Variants in HMOX2 observed in about 807,000 individuals in gnomAD.
HMOX2 encodes heme oxygenase 2, also known as heme oxygenase (decycling) 2.
HMOX2 carries 30 observed loss-of-function variants against 33.7 expected under a neutral mutation model. That is an observed-to-expected ratio of 0.89 (90% CI 0.67 to 1.21). The LOEUF (loss-of-function observed/expected upper bound fraction) is 1.21, where lower values mean the gene tolerates loss of function less well. HMOX2 is among the 50% of genes most tolerant of loss of function. The pLI is 0.00. For missense variants in HMOX2, 403 were observed against 399.1 expected, an observed-to-expected ratio of 1.01 and a Z score of -0.08; for synonymous variants, 155 against 155.0, an observed-to-expected ratio of 1.00 and a Z score of 0.00.
At chr16:4,499,306 C>T (rs945257781) in intron 1 of HMOX2, among the ~76,000 whole-genome samples, 4 of 152,138 alleles carry the variant, frequency 2.6e-5, no homozygotes, top group Non-Finnish European at 4.4e-5. Flanking sequence ...TATTTATGCA[C>T]GATGGAATAC....
At chr16:4,487,259 A>G (rs79211480) in intron 1 of HMOX2, among the ~76,000 whole-genome samples, 1 of 147,052 alleles carries the variant, frequency 6.8e-6, no homozygotes, top group South Asian at 2.1e-4. Context: ...CCCTGTCTCA[A>G]AAAAAAAAAA....
At chr16:4,478,020 T>C (rs2057916830) in intron 1 of HMOX2, among the ~76,000 whole-genome samples, 1 of 152,200 alleles carries the variant, frequency 6.6e-6, no homozygotes, top group Non-Finnish European at 1.5e-5. Flanking sequence ...TAGAAAAAGT[T>C]ATCAGATAAA....
intron 1 of HMOX2, among the ~76,000 whole-genome samples, chr16:4,492,711 C>A (rs1029874250): frequency 6.6e-6 from 1 of 151,842 alleles, no homozygotes; most frequent in South Asian, 2.1e-4. Flanking sequence ...GAGTGAGACT[C>A]TGTCTCAAAA....
intron 1 of HMOX2, among the ~76,000 whole-genome samples, chr16:4,494,673 G>GT (rs17881736): frequency 0.034 from 5,191 of 152,206 alleles, 305 homozygotes; most frequent in African/African-American, 0.12. Flanking sequence ...GAGTCCAGGA[G>GT]TTTGAGACCA....
At chr16:4,500,149 G>C (rs2058522567) in intron 1 of HMOX2, among the ~76,000 whole-genome samples, 1 of 152,206 alleles carries the variant, frequency 6.6e-6, no homozygotes, top group Non-Finnish European at 1.5e-5. Context: ...ATGACAGTCA[G>C]TTGTGGAAGC....
At position 4,510,035 on chromosome 16, in the gene HMOX2, G is replaced by A. The variant is rs1340969838; in HGVS notation, c.*279G>A. 10 of 485,504 alleles carry A rather than the reference G, an allele frequency of 2.1e-5. No individual in the cohort carries two copies. The highest frequency in any genetic ancestry group is 3.4e-5 in the Admixed American group (1 of 29,026). 30.1% of individuals were successfully genotyped at this position (485,504 alleles called of 1,614,324 possible). A position where few individuals can be genotyped will look rare whatever the true frequency, so the allele number is the denominator to read the frequency against. ...TCTACTCCAGGCTTCCACACTTCTG[G>A]GCCCTAGGCTGCTTCCGGTAGTCCC... On this transcript the variant is annotated 3_prime_UTR_variant, in exon 6 of 6. Transcript: ENST00000570646.
In HMOX2 at chr16:4,483,308, C is replaced by G. The variant is rs2058079773; in HGVS notation, c.-42+6821C>G. ...CTCAACCTTTAGACCTTCTCCCGTC[C>G]CCTGAGGTTAAGGGGGTAGGGCTGA... is the stretch of plus-strand genomic sequence containing the variant. On this transcript the variant is annotated intron_variant, in intron 1 of 5. Transcript: ENST00000570646. Among the ~76,000 whole-genome samples, 4 of 151,676 alleles carry G rather than the reference C, an allele frequency of 2.6e-5. No homozygotes were observed. The East Asian group carries it at 7.7e-4, about 29-fold the overall frequency.
intron 3 of HMOX2, among the ~76,000 whole-genome samples, chr16:4,507,282 T>C (rs976695397): frequency 2.0e-5 from 3 of 152,052 alleles, no homozygotes; most frequent in African/African-American, 7.2e-5. Context: ...CTGTCTCTAC[T>C]AAGAATACAA....
At chr16:4,492,570 T>A (rs1596459333) in intron 1 of HMOX2, among the ~76,000 whole-genome samples, 1 of 150,634 alleles carries the variant, frequency 6.6e-6, no homozygotes, top group East Asian at 2.0e-4. Flanking sequence ...ATACAAAAAA[T>A]TAGCTGGATG....
chr16:4,498,773 T>C (rs1485029044), intron 1 of HMOX2, among the ~76,000 whole-genome samples: 1 of 152,244 alleles, frequency 6.6e-6, no homozygotes, highest in African/African-American at 2.4e-5. Context: ...GGCTTATGTA[T>C]AACATTTCCT....
Position 4,509,521 on chromosome 16 carries a change from C to T in HMOX2, c.806C>T (p.Ala269Val), listed in dbSNP as rs1425855332. Residue 269 changes from alanine to valine, a missense_variant, in exon 5 of 6, where the codon GCT becomes GTT. Physicochemically the swap from Ala to Val is moderately conservative, Grantham distance 64 (BLOSUM62 0). Transcript: ENST00000570646. ...GACATGCGTAAATGCCCTTTCTACG[C>T]TGCTGAACAAGACAAAGGTAGGTCT... ...KGDMRKCPFY[A>V]AEQDKGALEG... The T allele has an allele frequency of 6.2e-7, 1 of 1,614,046 alleles. No homozygotes were observed. Among genetic ancestry groups the T allele is most frequent in the African/African-American group, 1.3e-5 (1 of 74,920 alleles).
chr16:4,502,471 G>A (rs2058582061), intron 1 of HMOX2, among the ~76,000 whole-genome samples: 1 of 152,088 alleles, frequency 6.6e-6, no homozygotes, highest in African/African-American at 2.4e-5. Flanking sequence ...AGAAGCATGG[G>A]GCCTGTGGTC....
rs373876030 is a variant in HMOX2, at chr16:4,492,740, C to A, written c.-41-12744C>A. Among the ~76,000 whole-genome samples, 276 of 151,028 alleles carry A rather than the reference C, an allele frequency of 1.8e-3. 4 individuals are homozygous for A. Among genetic ancestry groups the A allele is most frequent in the African/African-American group, 6.3e-3 (258 of 41,142 alleles). The stretch of plus-strand genomic sequence containing the variant: ...CTCAAAAACAAAACAACAACAACAA[C>A]AAAAAACACAAAAAAGGCTGGGCAC... On this transcript the variant is annotated intron_variant, in intron 1 of 5. Coordinates refer to ENST00000570646, the MANE Select transcript of HMOX2 (RefSeq NM_002134.4).
At position 4,505,507 on chromosome 16, in the gene HMOX2, G is replaced by C. The variant is rs1262668721; in HGVS notation, c.-18G>C. 8.1e-6 allele frequency: 13 copies of C among 1,595,346 alleles called. No individual in the cohort carries two copies. The highest frequency in any genetic ancestry group is 1.0e-5 in the Non-Finnish European group (12 of 1,169,050). On this transcript the variant is annotated 5_prime_UTR_variant, in exon 2 of 6. Transcript: ENST00000570646. ...AGGACCAGAGGAGCGAGAGCAGCAAGAACCACACCCAGCAGCAATGTCAGC... is the reference window on the plus strand; with the variant it reads ...AGGACCAGAGGAGCGAGAGCAGCAACAACCACACCCAGCAGCAATGTCAGC...
chr16:4,509,365 A>C, intron 4 of HMOX2, 47 bp from the exon 5 acceptor site: 1 of 1,576,956 alleles, frequency 6.3e-7, no homozygotes. Flanking sequence ...AAAAAAAAAA[A>C]GTATGGGCAG....
In HMOX2 at chr16:4,483,975, T is replaced by TC. The variant is rs1555496313; in HGVS notation, c.-42+7488_-42+7489insC. ...CACACCCGTGCATATGCCCAAAAAT[T>TC]TTTTTTTTTTTTTTTTTGAGACGGA... On this transcript the variant is annotated intron_variant, in intron 1 of 5. Coordinates refer to ENST00000570646, the MANE Select transcript of HMOX2 (RefSeq NM_002134.4). Among the ~76,000 whole-genome samples the TC allele has an allele frequency of 6.2e-5, 9 of 145,600 alleles. No homozygotes were observed. The East Asian group carries it at 1.8e-3, about 29-fold the overall frequency.
intron 3 of HMOX2, 65 bp from the exon 4 acceptor site, chr16:4,507,648 C>G: frequency 1.9e-6 from 3 of 1,554,852 alleles, no homozygotes; most frequent in Non-Finnish European, 1.7e-6. Flanking sequence ...ACTTGAGCCT[C>G]TGCATCCAGC....
At chr16:4,507,692 C>G in intron 3 of HMOX2, 21 bp from the exon 4 acceptor site, 1 of 1,607,342 alleles carries the variant, frequency 6.2e-7, no homozygotes, top group Non-Finnish European at 8.5e-7. Context: ...CATAGCTGGC[C>G]TCCTCCTGTC....
chr16:4,492,727 A>G (rs1380781136), intron 1 of HMOX2, among the ~76,000 whole-genome samples: 2 of 150,692 alleles, frequency 1.3e-5, no homozygotes, highest in Non-Finnish European at 3.0e-5. Context: ...CAAAAACAAA[A>G]CAACAACAAC....
Sources: gnomAD v4.1 joint callset for allele counts (sites outside exome capture counted in the v4.1 genomes callset) on GRCh38, gnomAD v4.1.1 for gene constraint, MANE v1.5 for transcripts, NCBI Gene and HGNC (gene_info 2026-07-23, HGNC 2026-07-21) for gene names.